Variants in CPAMD8 observed in about 807,000 individuals in gnomAD.
The protein encoded by CPAMD8 is C3 and PZP-like alpha-2-macroglobulin domain-containing protein 8.
CPAMD8 carries 146 observed loss-of-function variants against 224.7 expected under a neutral mutation model. The ratio of observed to expected loss-of-function variants is 0.65; its 90% CI spans 0.57 to 0.75. CPAMD8 has a LOEUF of 0.75. Among genes scored for constraint, CPAMD8 ranks in the 30% least tolerant of loss-of-function variants. The pLI is 0.00. For missense variants in CPAMD8, 2,301 were observed against 2,537.5 expected (o/e 0.91, Z 2.00); for synonymous variants, 966 against 1,044.6 (o/e 0.92, Z 1.45).
At chr19:17,013,563 A>T (rs966891001) in intron 3 of CPAMD8, 59 of 148,262 alleles carry the variant, frequency 4.0e-4, no homozygotes, top group Non-Finnish European at 7.1e-4. Flanking sequence ...ACACATATAT[A>T]GTGCATGACT....
At position 16,903,739 on chromosome 19, in the gene CPAMD8, A is replaced by G; in HGVS notation, c.4370T>C (p.Leu1457Pro). The G allele has an allele frequency of 1.2e-6, 2 of 1,614,206 alleles. No homozygotes were observed. The highest frequency in any genetic ancestry group is 1.7e-6 in the Non-Finnish European group (2 of 1,180,026). ...CAGAACCTTCTGGTTGGTCCTGTGC[A>G]GCTCGAAGGTTTCCTGGTAGTCCAG... ...TNLDYQETFE[L>P]HRTNQKVLQT... is the part of the protein sequence containing the mutation. Residue 1457 changes from leucine (L) to proline (P), a missense_variant, in exon 33 of 42, where the codon CTG (leucine) becomes CCG (proline). Around this residue, in one of 4 missense-constraint regions of CPAMD8, gnomAD observed 1,709 missense variants for 1,753.2 expected, o/e 0.97. Coordinates refer to ENST00000443236, the MANE Select transcript of CPAMD8 (RefSeq NM_015692.5).
intron 3 of CPAMD8, among the ~76,000 whole-genome samples, chr19:17,015,573 C>G (rs8106014): frequency 0.2 from 30,041 of 152,118 alleles, 3,177 homozygotes; most frequent in East Asian, 0.3. Flanking sequence ...ACCCGCAGGA[C>G]CAGCCTTCTG....
intron 14 of CPAMD8, among the ~76,000 whole-genome samples, chr19:16,979,802 C>T (rs9305084): frequency 1.3e-5 from 2 of 151,510 alleles, no homozygotes; most frequent in South Asian, 2.1e-4. Context: ...ACCTTGCCTT[C>T]GCCTGAGAGA....
Position 16,945,633 on chromosome 19 carries a change from C to A in CPAMD8, c.2709G>T (p.Arg903Ser), listed in dbSNP as rs575903870. Residue 903 changes from arginine to serine, a missense_variant, in exon 22 of 42, where the codon AGG (arginine) becomes AGT (serine). Physicochemically the swap from Arg to Ser is moderately radical, Grantham distance 110 (BLOSUM62 -1). Around this residue, in one of 4 missense-constraint regions of CPAMD8, gnomAD observed 1,709 missense variants for 1,753.2 expected, o/e 0.97. Transcript: ENST00000443236. ...GATTCTCCTCAGGGTGTTTGCTGGA[C>A]CTCCCATCCCGGCAGCAATTTGTGT... ...YGDTNCCRDG[R>S]SSKHPEENHA... 1 of 1,614,154 alleles carries A rather than the reference C, an allele frequency of 6.2e-7. No individual in the cohort carries two copies. Among genetic ancestry groups the A allele is most frequent in the Non-Finnish European group, 8.5e-7 (1 of 1,179,978 alleles).
intron 19 of CPAMD8, among the ~76,000 whole-genome samples, chr19:16,952,943 A>C (rs2054344353): frequency 6.6e-6 from 1 of 152,164 alleles, no homozygotes; most frequent in African/African-American, 2.4e-5. Flanking sequence ...CAGAAGAATA[A>C]AGCTGGAGAG....
Position 17,002,279 on chromosome 19 carries a change from T to C in CPAMD8, c.745A>G (p.Thr249Ala), listed in dbSNP as rs1187962775. 1.3e-6 allele frequency: 2 copies of C among 1,598,216 alleles called. No homozygotes were observed. Among genetic ancestry groups the C allele is most frequent in the Non-Finnish European group, 1.7e-6 (2 of 1,170,340 alleles). Residue 249 changes from threonine to alanine, a missense_variant, in exon 9 of 42, where the codon ACT (threonine) becomes GCT (alanine). Coordinates refer to ENST00000443236, the MANE Select transcript of CPAMD8 (RefSeq NM_015692.5). Reference sequence around the variant, plus strand: ...CCTCTTTCTCACCTGGCCCGCACAGTGCCTGTCTCACAGGCGTCCAGGTCT... The same window carrying C: ...CCTCTTTCTCACCTGGCCCGCACAGCGCCTGTCTCACAGGCGTCCAGGTCT... ...IQDLDACETG[T>A]VRARYTFGKP...
At chr19:16,906,818 T>C (rs2052535863) in intron 30 of CPAMD8, 134 bp downstream of exon 30, 4 of 897,866 alleles carry the variant, frequency 4.5e-6, no homozygotes, top group East Asian at 5.4e-5. Flanking sequence ...CAAGCGATTC[T>C]CCTGCCTCAG....
At chr19:16,927,398 C>T (rs148602443) in intron 25 of CPAMD8, among the ~76,000 whole-genome samples, 227 of 152,216 alleles carry the variant, frequency 1.5e-3, no homozygotes, top group African/African-American at 4.8e-3. Flanking sequence ...TCCCCAGCCA[C>T]GTGAAACTGT....
Position 16,993,566 on chromosome 19 carries a change from A to T in CPAMD8, c.1116T>A (p.Asp372Glu). ...CCGTCACCCCCTCAGCTGGGCTGCC[A>T]TCGGGGTAGGATAGCTCCACCTAGA... Reference protein sequence around the residue: ...YVGKVELSYPDGSPAEGVTVQ... With the variant: ...YVGKVELSYPEGSPAEGVTVQ... The change falls in exon 12 of 42, where the codon GAT becomes GAA. Residue 372 changes from aspartate (D) to glutamate (E), a missense_variant. Coordinates refer to ENST00000443236, the MANE Select transcript of CPAMD8 (RefSeq NM_015692.5). 6.2e-7 allele frequency: 1 copy of T among 1,614,170 alleles called. No homozygotes were observed.
intron 12 of CPAMD8, among the ~76,000 whole-genome samples, chr19:16,991,068 A>G (rs779220282): frequency 5.3e-5 from 8 of 150,842 alleles, no homozygotes; most frequent in Non-Finnish European, 8.9e-5. Context: ...CCCATGGCCA[A>G]TGATTTAATC....
chr19:16,958,710 A>G (rs940449726), intron 18 of CPAMD8, among the ~76,000 whole-genome samples: 7 of 152,100 alleles, frequency 4.6e-5, no homozygotes, highest in Non-Finnish European at 1.0e-4. Flanking sequence ...GCTTTCCACA[A>G]TGGTTGAACT....
intron 27 of CPAMD8, among the ~76,000 whole-genome samples, chr19:16,920,557 T>G (rs1327950642): frequency 1.3e-5 from 2 of 150,738 alleles, no homozygotes; most frequent in Admixed American, 6.6e-5. Context: ...AGGAGGTGTG[T>G]GCACACTGAG....
At chr19:16,952,808 A>T (rs2054339870) in intron 19 of CPAMD8, among the ~76,000 whole-genome samples, 1 of 152,230 alleles carries the variant, frequency 6.6e-6, no homozygotes, top group Non-Finnish European at 1.5e-5. Context: ...TGATCTATAG[A>T]TTCAATGGAA....
intron 32 of CPAMD8, 50 bp downstream of exon 32, chr19:16,904,176 A>ACGGCCCCCC: frequency 2.1e-6 from 2 of 937,340 alleles, no homozygotes; most frequent in Non-Finnish European, 1.7e-6. Flanking sequence ...GACTGCAGGG[A>ACGGCCCCCC]CCCCACCCAC....
chr19:17,003,299 C>CA (rs1317345934), intron 8 of CPAMD8, among the ~76,000 whole-genome samples: 1 of 151,888 alleles, frequency 6.6e-6, no homozygotes, highest in Non-Finnish European at 1.5e-5. Flanking sequence ...CTCCTGGGCT[C>CA]AAGCAATCCT....
intron 18 of CPAMD8, among the ~76,000 whole-genome samples, chr19:16,970,309 A>G (rs1426487146): frequency 6.6e-6 from 1 of 151,502 alleles, no homozygotes; most frequent in African/African-American, 2.4e-5. Context: ...CTTCCAGGCC[A>G]GGTACAGTGA....
In CPAMD8 at chr19:16,957,781, G is replaced by A. The variant is rs577988843; in HGVS notation, c.2276+72C>T. 109 of 1,436,716 alleles carry A rather than the reference G, an allele frequency of 7.6e-5. 1 individual carries two copies. In the South Asian group the frequency reaches 1.2e-3, roughly 16 times the overall value. 89.0% of individuals were successfully genotyped at this position (1,436,716 alleles called of 1,614,324 possible). On this transcript the variant is annotated intron_variant, in intron 19 of 41. Coordinates refer to ENST00000443236, the MANE Select transcript of CPAMD8 (RefSeq NM_015692.5). ...TATCAGGCCTGCCCATCTCACCGGA[G>A]GCTCTCTGGACCCGCATGAGTGTCT...
chr19:16,996,615 T>C (rs1052638401), intron 11 of CPAMD8, among the ~76,000 whole-genome samples: 1 of 152,178 alleles, frequency 6.6e-6, no homozygotes, highest in East Asian at 1.9e-4. Context: ...GGCCAGGAGT[T>C]CGAGACCAGC....
rs2123121975 is a variant in CPAMD8, at chr19:17,009,463, ATCCTAACCCCAAGTAGGGTC to A, written c.487-163_487-144del. Reference sequence around the variant, plus strand: ...TGTCCCCCTAGATTACATCCGTTGAATCCTAACCCCAAGTAGGGTCTTTAGAAAGACTCATTACAGGTGGC... The same window carrying A: ...TGTCCCCCTAGATTACATCCGTTGAATTTAGAAAGACTCATTACAGGTGGC... On this transcript the variant is annotated intron_variant, in intron 5 of 41. Coordinates refer to ENST00000443236, the MANE Select transcript of CPAMD8 (RefSeq NM_015692.5). 2.0e-5 allele frequency: 28 copies of A among 1,405,316 alleles called. No homozygotes were observed. In the South Asian group the frequency reaches 3.5e-4, roughly 18 times the overall value. 87.1% of individuals were successfully genotyped at this position (1,405,316 alleles called of 1,614,324 possible).
Sources: allele counts gnomAD v4.1 joint callset (sites outside exome capture counted in the v4.1 genomes callset), GRCh38; gene constraint gnomAD v4.1.1; regional missense constraint gnomAD v4.1.1; transcripts MANE v1.5; gene names NCBI Gene and HGNC (gene_info 2026-07-23, HGNC 2026-07-21).